Variants in MYRIP observed in about 807,000 individuals in gnomAD.
MYRIP encodes rab effector MyRIP.
Under a neutral mutation model 98.0 loss-of-function variants are expected in MYRIP, and 49 were observed. That is an observed-to-expected ratio of 0.50 (90% CI 0.40 to 0.63). MYRIP has a LOEUF of 0.63. MYRIP is among the 30% of genes least tolerant of loss of function. MYRIP has a pLI of 0.00. For missense variants in MYRIP, 1,004 were observed against 1,058.2 expected (o/e 0.95, Z 0.71); for synonymous variants, 404 against 409.5 (o/e 0.99, Z 0.16).
chr3:39,823,555 G>A (rs1045067171), intron 1 of MYRIP, among the ~76,000 whole-genome samples: 1 of 152,138 alleles, frequency 6.6e-6, no homozygotes, highest in South Asian at 2.1e-4. Context: ...CCTAACTGGG[G>A]TAAGATGAAG....
Position 39,900,802 on chromosome 3 carries a change from CTGTGT to C in MYRIP, c.-12_-8del. The C allele has an allele frequency of 2.5e-6, 4 of 1,600,984 alleles. No homozygotes were observed. The highest frequency in any genetic ancestry group is 3.4e-6 in the Non-Finnish European group (4 of 1,169,936). The stretch of plus-strand genomic sequence containing the variant: ...GGTTTCCCAGGTCTTGTTTCATCAT[CTGTGT>C]TGAGTAACCATGGGGAGGAAGCTGG... On this transcript the variant is annotated 5_prime_UTR_variant, in exon 2 of 17. The change creates a premature stop within an existing upstream ORF in the 5' untranslated region. Coordinates refer to ENST00000302541, the MANE Select transcript of MYRIP (RefSeq NM_015460.4).
At position 39,880,639 on chromosome 3, in the gene MYRIP, C is replaced by T. The variant is rs139662117; in HGVS notation, c.-30-20148C>T. Among the ~76,000 whole-genome samples, 508 of 152,222 alleles carry T rather than the reference C, an allele frequency of 3.3e-3. 5 individuals are homozygous for T. The highest frequency in any genetic ancestry group is 0.011 in the African/African-American group (463 of 41,554). On this transcript the variant is annotated intron_variant, in intron 1 of 16. Transcript: ENST00000302541. ...CAAGTTACTTGGTCTTTTTTTGCTTCTATTTACTCATCTGCAAATAATAAT... is the reference window on the plus strand; with the variant it reads ...CAAGTTACTTGGTCTTTTTTTGCTTTTATTTACTCATCTGCAAATAATAAT...
At chr3:40,209,554 A>G (rs1294338067) in intron 10 of MYRIP, among the ~76,000 whole-genome samples, 1 of 152,120 alleles carries the variant, frequency 6.6e-6, no homozygotes, top group African/African-American at 2.4e-5. Flanking sequence ...TTCTCCAAGC[A>G]TCCTTTGCAC....
chr3:39,900,980 T>A, intron 2 of MYRIP, 54 bp downstream of exon 2: 1 of 1,383,198 alleles, frequency 7.2e-7, no homozygotes, highest in Non-Finnish European at 1.0e-6. Flanking sequence ...TGGACAAGCG[T>A]AACAGGTTTC....
At chr3:40,184,656 T>C (rs1251949429) in intron 9 of MYRIP, among the ~76,000 whole-genome samples, 2 of 151,968 alleles carry the variant, frequency 1.3e-5, no homozygotes, top group East Asian at 3.8e-4. Flanking sequence ...GTGTAGGATA[T>C]TATAAAAACA....
Position 40,151,097 on chromosome 3 carries a change from C to T in MYRIP, c.382C>T (p.Arg128Cys), listed in dbSNP as rs199884040. 1.0e-4 allele frequency: 168 copies of T among 1,609,778 alleles called. 1 individual carries two copies. Among genetic ancestry groups the T allele is most frequent in the Middle Eastern group, 8.4e-4 (5 of 5,950 alleles). The change falls in exon 4 of 17, where the codon CGC becomes TGC. Residue 128 changes from arginine to cysteine, a missense_variant. Physicochemically the swap from Arg to Cys is radical, Grantham distance 180. Around this residue, in one of 3 missense-constraint regions of MYRIP, gnomAD observed 880 missense variants for 907.7 expected, o/e 0.97. Transcript: ENST00000302541. ...LEWFYNNVKS[R>C]FKRFGSAKVL... The stretch of plus-strand genomic sequence containing the variant: ...ATGGTTCTACAATAATGTGAAGAGC[C>T]GCTTCAAGCGCTTTGGCAGTGCCAA...
intron 3 of MYRIP, among the ~76,000 whole-genome samples, chr3:40,147,999 T>A (rs1025344944): frequency 6.6e-6 from 1 of 152,178 alleles, no homozygotes; most frequent in Admixed American, 6.5e-5. Context: ...CAGAAAGCAA[T>A]CTTACATGTC....
intron 2 of MYRIP, among the ~76,000 whole-genome samples, chr3:40,033,042 A>G (rs1315840804): frequency 6.6e-6 from 1 of 151,452 alleles, no homozygotes; most frequent in African/African-American, 2.4e-5. Flanking sequence ...AAAACTCTCA[A>G]TAAATTAGAT....
intron 1 of MYRIP, among the ~76,000 whole-genome samples, chr3:39,864,765 C>A (rs184218041): frequency 3.9e-5 from 6 of 152,252 alleles, no homozygotes; most frequent in Middle Eastern, 3.4e-3. Flanking sequence ...TATCAAACTA[C>A]CAATGACATT....
At chr3:39,932,334 C>T (rs887652786) in intron 2 of MYRIP, among the ~76,000 whole-genome samples, 5 of 152,150 alleles carry the variant, frequency 3.3e-5, no homozygotes, top group African/African-American at 1.2e-4. Context: ...AAACTGCTCA[C>T]TCTATCAGTC....
intron 2 of MYRIP, among the ~76,000 whole-genome samples, chr3:39,994,933 G>T (rs958212204): frequency 8.5e-5 from 13 of 152,310 alleles, no homozygotes; most frequent in African/African-American, 3.1e-4. Context: ...AACAGGGTCT[G>T]GAGTGGACCT....
intron 2 of MYRIP, among the ~76,000 whole-genome samples, chr3:39,966,637 GGT>G (rs1455964047): frequency 6.6e-6 from 1 of 152,208 alleles, no homozygotes; most frequent in Non-Finnish European, 1.5e-5. Context: ...GGGGGCAGGG[GGT>G]GGGTAGGGAA....
intron 8 of MYRIP, chr3:40,173,161 T>A (rs1950658263): frequency 6.6e-6 from 1 of 152,168 alleles, no homozygotes; most frequent in Non-Finnish European, 1.5e-5. Context: ...TTATATAAAT[T>A]TTATATGCAA....
intron 5 of MYRIP, among the ~76,000 whole-genome samples, chr3:40,163,772 C>T (rs920623522): frequency 2.6e-5 from 4 of 152,140 alleles, no homozygotes; most frequent in Admixed American, 6.5e-5. Flanking sequence ...TGGAACTTCT[C>T]GGCCTCCTTA....
chr3:39,951,006 A>G (rs1223436587), intron 2 of MYRIP, among the ~76,000 whole-genome samples: 7 of 152,166 alleles, frequency 4.6e-5, no homozygotes, highest in African/African-American at 1.7e-4. Flanking sequence ...GTTATTAGTG[A>G]TAAACTCAGT....
chr3:40,160,642 C>T (rs967347287), intron 4 of MYRIP, among the ~76,000 whole-genome samples: 14 of 152,268 alleles, frequency 9.2e-5, no homozygotes, highest in East Asian at 1.9e-4. Flanking sequence ...TAGCAATCAG[C>T]GAGACTCCGT....
At chr3:40,017,693 CTTTTTT>C (rs904657247) in intron 2 of MYRIP, among the ~76,000 whole-genome samples, 2 of 114,774 alleles carry the variant, frequency 1.7e-5, no homozygotes, top group African/African-American at 6.6e-5. Context: ...TAATTTACTT[CTTTTTT>C]TTTTTTTTTT....
At chr3:40,119,526 G>A (rs886867035) in intron 3 of MYRIP, among the ~76,000 whole-genome samples, 41 of 152,078 alleles carry the variant, frequency 2.7e-4, no homozygotes, top group African/African-American at 9.6e-4. Context: ...CTGGAGGTGT[G>A]GTGAACACAG....
intron 1 of MYRIP, among the ~76,000 whole-genome samples, chr3:39,889,133 G>C (rs944712566): frequency 6.6e-6 from 1 of 152,126 alleles, no homozygotes; most frequent in Non-Finnish European, 1.5e-5. Context: ...ATTCCTCAGG[G>C]ATCTAGAACT....
Sources: allele counts gnomAD v4.1 joint callset (sites outside exome capture counted in the v4.1 genomes callset), GRCh38; gene constraint gnomAD v4.1.1; regional missense constraint gnomAD v4.1.1; transcripts MANE v1.5; gene names NCBI Gene and HGNC (gene_info 2026-07-23, HGNC 2026-07-21).